The following TSPAN18 variants were observed in gnomAD, a reference collection of about 807,000 sequenced individuals.
The protein encoded by TSPAN18 is tetraspanin 18, also known as tetraspanin-18.
In TSPAN18, 14 loss-of-function variants were observed where a neutral mutation model predicts 27.3. That is an observed-to-expected ratio of 0.51 (90% CI 0.34 to 0.80). The LOEUF is 0.80. Ranked by LOEUF, TSPAN18 falls within the 30% of genes least tolerant of loss-of-function variation. TSPAN18 has a pLI of 0.01. For synonymous variants in TSPAN18, 143 were observed against 136.5 expected, an observed-to-expected ratio of 1.05 and a Z score of -0.33; for missense variants, 268 against 323.9, an observed-to-expected ratio of 0.83 and a Z score of 1.32.
chr11:44,908,756 G>A (rs3051386), intron 4 of TSPAN18, among the ~76,000 whole-genome samples: 2,864 of 30,262 alleles, frequency 0.095, 441 homozygotes, highest in African/African-American at 0.18. Flanking sequence ...GAGAGAGAGA[G>A]AGAGAGAGAA....
chr11:44,877,655 C>G (rs968068101), intron 3 of TSPAN18, among the ~76,000 whole-genome samples: 5 of 152,130 alleles, frequency 3.3e-5, no homozygotes. Context: ...TGGTGACCAC[C>G]TGAGCCACCA....
chr11:44,864,220 G>A (rs1448003568), intron 3 of TSPAN18, among the ~76,000 whole-genome samples: 1 of 148,518 alleles, frequency 6.7e-6, no homozygotes, highest in East Asian at 2.0e-4. Flanking sequence ...CTGGAAGGCA[G>A]AGGTTGCAGT....
At chr11:44,865,456 C>T (rs1858011129) in intron 3 of TSPAN18, among the ~76,000 whole-genome samples, 2 of 152,172 alleles carry the variant, frequency 1.3e-5, no homozygotes, top group South Asian at 4.2e-4. Context: ...TCTTCTTGCT[C>T]CCACACGGGT....
At chr11:44,810,664 C>T (rs1278247653) in intron 2 of TSPAN18, among the ~76,000 whole-genome samples, 1 of 148,488 alleles carries the variant, frequency 6.7e-6, no homozygotes, top group African/African-American at 2.5e-5. Context: ...TGCTGTGACT[C>T]GATCTCGGCT....
At chr11:44,786,580 G>T (rs1186487322) in intron 2 of TSPAN18, among the ~76,000 whole-genome samples, 1 of 151,108 alleles carries the variant, frequency 6.6e-6, no homozygotes, top group Non-Finnish European at 1.5e-5. Flanking sequence ...GATCTAGGGT[G>T]ATGTGGTCAC....
intron 2 of TSPAN18, among the ~76,000 whole-genome samples, chr11:44,824,962 C>G (rs1468972839): frequency 3.9e-5 from 6 of 152,220 alleles, no homozygotes; most frequent in Non-Finnish European, 8.8e-5. Flanking sequence ...ACACCCTTCT[C>G]TGGTCCTAGA....
chr11:44,785,471 GT>G (rs147915167), intron 2 of TSPAN18, among the ~76,000 whole-genome samples: 3 of 151,800 alleles, frequency 2.0e-5, no homozygotes, highest in Non-Finnish European at 2.9e-5. Context: ...AAATAGAGGT[GT>G]TTTTCCCCCC....
intron 1 of TSPAN18, among the ~76,000 whole-genome samples, chr11:44,737,721 C>T (rs1002371460): frequency 1.3e-5 from 2 of 152,082 alleles, no homozygotes; most frequent in African/African-American, 4.8e-5. Context: ...TTCATGTGAC[C>T]TCTGCCCCCT....
intron 2 of TSPAN18, among the ~76,000 whole-genome samples, chr11:44,780,625 G>A (rs748567870): frequency 5.3e-5 from 8 of 152,150 alleles, no homozygotes; most frequent in East Asian, 3.8e-4. Flanking sequence ...AAATGACGTC[G>A]GACTTTGATG....
At chr11:44,782,274 C>T (rs137940127) in intron 2 of TSPAN18, among the ~76,000 whole-genome samples, 5 of 152,140 alleles carry the variant, frequency 3.3e-5, no homozygotes, top group East Asian at 3.9e-4. Flanking sequence ...CAGCTGGGTG[C>T]GGTGGCTCAT....
chr11:44,756,138 C>T (rs1855327321), intron 1 of TSPAN18, among the ~76,000 whole-genome samples: 1 of 152,152 alleles, frequency 6.6e-6, no homozygotes. Flanking sequence ...CCTCTGAAAT[C>T]CGACTGACTT....
At chr11:44,729,644 C>A (rs1221903220) in intron 1 of TSPAN18, among the ~76,000 whole-genome samples, 1 of 152,164 alleles carries the variant, frequency 6.6e-6, no homozygotes, top group Non-Finnish European at 1.5e-5. Flanking sequence ...CAACCCCAGT[C>A]TGAAATGGTA....
chr11:44,925,369 G>A (rs528451072), intron 8 of TSPAN18, among the ~76,000 whole-genome samples: 7 of 152,272 alleles, frequency 4.6e-5, no homozygotes, highest in East Asian at 3.9e-4. Flanking sequence ...CCAGATCGTC[G>A]TGCCGGTGGG....
intron 2 of TSPAN18, among the ~76,000 whole-genome samples, chr11:44,859,191 G>A (rs571891518): frequency 2.2e-4 from 34 of 152,298 alleles, no homozygotes; most frequent in Middle Eastern, 3.4e-3. Context: ...AGAAGGGAGC[G>A]AAGGTGGGTG....
chr11:44,736,552 G>GGGTGTCT (rs1485508763), intron 1 of TSPAN18: 1 of 152,188 alleles, frequency 6.6e-6, no homozygotes, highest in East Asian at 1.9e-4. Flanking sequence ...CTCCCCAGGA[G>GGGTGTCT]GGTGTCTGGG....
intron 2 of TSPAN18, among the ~76,000 whole-genome samples, chr11:44,773,408 C>A (rs1045981664): frequency 2.0e-5 from 3 of 150,468 alleles, no homozygotes; most frequent in Non-Finnish European, 3.0e-5. Context: ...AAGAGTGAAA[C>A]TCCATCTCAA....
rs1477154150 is a variant in TSPAN18 at position 44,759,597 on chromosome 11, C to G, written c.-239-4829C>G. Among the ~76,000 whole-genome samples the G allele has an allele frequency of 2.0e-5, 3 of 152,206 alleles. No homozygotes were observed. The East Asian group carries it at 5.8e-4, about 29-fold the overall frequency. Reference sequence around the variant, plus strand: ...TCTATTCATCCCTGTGTTCATCCATCTCTCCATCCACCCAGTCATTTTCCC... The same window carrying G: ...TCTATTCATCCCTGTGTTCATCCATGTCTCCATCCACCCAGTCATTTTCCC... On this transcript the variant is annotated intron_variant, in intron 1 of 9. Transcript: ENST00000520358.
intron 2 of TSPAN18, among the ~76,000 whole-genome samples, chr11:44,781,458 C>T (rs1855938221): frequency 1.3e-5 from 2 of 152,228 alleles, no homozygotes; most frequent in African/African-American, 4.8e-5. Flanking sequence ...CTGTGGGACA[C>T]TATTGTGTCT....
intron 3 of TSPAN18, among the ~76,000 whole-genome samples, chr11:44,879,413 TC>T (rs1327938100): frequency 6.6e-6 from 1 of 152,110 alleles, no homozygotes. Context: ...TTGCTGGAGA[TC>T]CTGTCCACAA....
Sources: gnomAD v4.1 joint callset for allele counts (sites outside exome capture counted in the v4.1 genomes callset) on GRCh38, gnomAD v4.1.1 for gene constraint, MANE v1.5 for transcripts, NCBI Gene and HGNC (gene_info 2026-07-23, HGNC 2026-07-21) for gene names.